Variants in DTNA observed in about 807,000 individuals in gnomAD.
DTNA encodes dystrobrevin alpha.
DTNA carries 43 observed loss-of-function variants against 100.7 expected under a neutral mutation model. The observed-to-expected ratio is 0.43, with a 90% CI of 0.33 to 0.55. DTNA has a LOEUF of 0.55. DTNA is among the 20% of genes least tolerant of loss of function. The pLI is 0.04. For missense variants in DTNA, 798 were observed against 953.9 expected (o/e 0.84, Z 2.15); for synonymous variants, 349 against 347.9 (o/e 1.00, Z -0.04).
chr18:34,820,667 T>C lies in DTNA; in HGVS notation c.877-124T>C. The C allele has an allele frequency of 4.7e-6, 7 of 1,488,540 alleles. No individual in the cohort carries two copies. The South Asian group carries it at 7.1e-5, about 15-fold the overall frequency. The allele number at this position is 1,488,540 out of a possible 1,614,324, so 92.2% of individuals were successfully genotyped here. A position where few individuals can be genotyped will look rare whatever the true frequency, so the allele number is the denominator to read the frequency against. ...CCGAGCATTGAGCAAACTTCCAGACTCAGAATCAGCACTGAAAAAGGATTT... is the reference window on the plus strand; with the variant it reads ...CCGAGCATTGAGCAAACTTCCAGACCCAGAATCAGCACTGAAAAAGGATTT... On this transcript the variant is annotated intron_variant, in intron 8 of 22. Coordinates refer to ENST00000444659, the MANE Select transcript of DTNA (RefSeq NM_001386795.1).
chr18:34,512,415 A>G (rs1473449719), intron 1 of DTNA, among the ~76,000 whole-genome samples: 8 of 152,004 alleles, frequency 5.3e-5, no homozygotes, highest in Non-Finnish European at 1.2e-4. Context: ...TCAGATTGTT[A>G]ACTACTACTG....
intron 1 of DTNA, among the ~76,000 whole-genome samples, chr18:34,587,057 G>A (rs2049214902): frequency 6.6e-6 from 1 of 151,866 alleles, no homozygotes; most frequent in Admixed American, 6.6e-5. Flanking sequence ...CAAAGTCCTG[G>A]GCTCAAGCAA....
chr18:34,765,346 T>A (rs983904426), intron 2 of DTNA, among the ~76,000 whole-genome samples: 1 of 152,206 alleles, frequency 6.6e-6, no homozygotes, highest in Non-Finnish European at 1.5e-5. Flanking sequence ...AAGAAAGTTG[T>A]TAGTAATAAA....
chr18:34,862,547 C>T (rs2096642544), intron 16 of DTNA, among the ~76,000 whole-genome samples: 1 of 151,984 alleles, frequency 6.6e-6, no homozygotes, highest in African/African-American at 2.4e-5. Flanking sequence ...GAAATGTCCT[C>T]CACTGCTTTA....
chr18:34,678,970 A>G (rs1278036551), intron 1 of DTNA, among the ~76,000 whole-genome samples: 3 of 152,186 alleles, frequency 2.0e-5, no homozygotes, highest in Non-Finnish European at 4.4e-5. Context: ...CAGGGTATCT[A>G]CTAATGACTG....
At chr18:34,815,714 T>G in intron 6 of DTNA, 195 bp from the exon 7 acceptor site, 1 of 562,380 alleles carries the variant, frequency 1.8e-6, no homozygotes, top group Non-Finnish European at 3.2e-6. Flanking sequence ...GTCCTATGTC[T>G]GCTTAGGTAT....
At chr18:34,576,493 T>C (rs747365890) in intron 1 of DTNA, among the ~76,000 whole-genome samples, 3 of 152,196 alleles carry the variant, frequency 2.0e-5, no homozygotes, top group African/African-American at 4.8e-5. Flanking sequence ...TGAGATGGAA[T>C]CTCACTCTGT....
At chr18:34,842,296 A>T (rs374733390) in intron 13 of DTNA, among the ~76,000 whole-genome samples, 2 of 152,200 alleles carry the variant, frequency 1.3e-5, no homozygotes, top group Non-Finnish European at 2.9e-5. Context: ...TTGTGTTGTC[A>T]ATAGATTTCT....
chr18:34,841,025 C>G (rs1431292657), intron 13 of DTNA, among the ~76,000 whole-genome samples: 1 of 152,052 alleles, frequency 6.6e-6, no homozygotes, highest in Non-Finnish European at 1.5e-5. Context: ...TTTTAAAACA[C>G]TTACCTCATG....
intron 3 of DTNA, among the ~76,000 whole-genome samples, chr18:34,769,724 G>GTTTTTTTTTTTTTTTTTTTTTTTTTTTTT (rs1264439291): frequency 9.7e-5 from 4 of 41,412 alleles, no homozygotes; most frequent in Admixed American, 3.8e-4. Context: ...GCCCTCTGGG[G>GTTTTTTTTTTTTTTTTTTTTTTTTTTTTT]CTTTTTTTTT....
At chr18:34,546,524 G>A (rs1037593841) in intron 1 of DTNA, among the ~76,000 whole-genome samples, 6 of 152,030 alleles carry the variant, frequency 3.9e-5, no homozygotes, top group Non-Finnish European at 8.8e-5. Context: ...TAGTAAATAT[G>A]CCTCTGACAA....
chr18:34,532,770 A>ATGTG (rs58811674), intron 1 of DTNA, among the ~76,000 whole-genome samples: 107,411 of 149,782 alleles, frequency 0.72, 39,972 homozygotes, highest in Middle Eastern at 0.84. Context: ...ATATATATAT[A>ATGTG]TGTGTGTGTG....
intron 1 of DTNA, among the ~76,000 whole-genome samples, chr18:34,501,630 G>T (rs1225060123): frequency 6.6e-6 from 1 of 152,030 alleles, no homozygotes; most frequent in Non-Finnish European, 1.5e-5. Context: ...TTAGTTACGG[G>T]ACTCGATTTC....
At chr18:34,812,555 A>G (rs2095506901) in intron 6 of DTNA, among the ~76,000 whole-genome samples, 1 of 152,180 alleles carries the variant, frequency 6.6e-6, no homozygotes, top group Non-Finnish European at 1.5e-5. Context: ...GGAAAGAGAA[A>G]GAATGAAAAG....
rs1401628971 is a variant in DTNA at position 34,827,613 on chromosome 18, G to T, written c.1022G>T (p.Ser341Ile). 1 of 1,613,868 alleles carries T rather than the reference G, an allele frequency of 6.2e-7. No individual in the cohort carries two copies. Among genetic ancestry groups the T allele is most frequent in the Non-Finnish European group, 8.5e-7 (1 of 1,179,816 alleles). ...AHIVPPRPVT[S>I]MNDTLFSHSV... ...TTTAGGCCTCCCAGACCTGTAACCA[G>T]CATGAACGACACCCTGTTCTCCCAC... Residue 341 changes from serine to isoleucine, a missense_variant, in exon 10 of 23, where the codon AGC becomes ATC. By Grantham distance (142) the Ser-to-Ile change is moderately radical. Around this residue, in one of 6 missense-constraint regions of DTNA, gnomAD observed 93 missense variants for 90.5 expected, o/e 1.03. Coordinates refer to ENST00000444659, the MANE Select transcript of DTNA (RefSeq NM_001386795.1).
chr18:34,866,987 A>T, intron 17 of DTNA: 1 of 1,208,444 alleles, frequency 8.3e-7, no homozygotes, highest in Non-Finnish European at 1.0e-6. Flanking sequence ...ACTCAAAAAA[A>T]AAAACAAATT....
At chr18:34,866,010 G>A (rs2096698471) in intron 17 of DTNA, 2 of 1,327,846 alleles carry the variant, frequency 1.5e-6, no homozygotes, top group Non-Finnish European at 2.2e-6. Context: ...TGCCGTCAAA[G>A]GTGTGTTGAT....
At chr18:34,602,610 G>T (rs1049059617) in intron 1 of DTNA, among the ~76,000 whole-genome samples, 4 of 151,958 alleles carry the variant, frequency 2.6e-5, no homozygotes, top group Non-Finnish European at 5.9e-5. Context: ...TGGTGCGGTG[G>T]CTCATGTCTG....
chr18:34,653,604 CTTGAGGTCAGGAGT>C (rs1365226761), intron 1 of DTNA, among the ~76,000 whole-genome samples: 3 of 152,126 alleles, frequency 2.0e-5, no homozygotes, highest in Non-Finnish European at 4.4e-5. Context: ...GGGCGGATCA[CTTGAGGTCAGGAGT>C]TTGAGACCAG....
Sources: gnomAD v4.1 joint callset for allele counts (sites outside exome capture counted in the v4.1 genomes callset) on GRCh38, gnomAD v4.1.1 for gene constraint, gnomAD v4.1.1 regional missense constraint, MANE v1.5 for transcripts, NCBI Gene and HGNC (gene_info 2026-07-23, HGNC 2026-07-21) for gene names.